GALNT18: variants seen among roughly 807,000 people sequenced by gnomAD.
The protein encoded by GALNT18 is polypeptide N-acetylgalactosaminyltransferase 18, also known as GalNAc-transferase 18.
GALNT18 carries 44 observed loss-of-function variants against 69.5 expected under a neutral mutation model. The ratio of observed to expected loss-of-function variants is 0.63; its 90% CI spans 0.50 to 0.81. GALNT18 has a LOEUF of 0.81. Among genes scored for constraint, GALNT18 ranks in the 40% least tolerant of loss-of-function variants. The probability of loss-of-function intolerance (pLI) is 0.00; values close to 1 mark genes in which losing one functional copy is unlikely to be tolerated. For missense variants in GALNT18, 715 were observed against 810.0 expected, an observed-to-expected ratio of 0.88 and a Z score of 1.42; for synonymous variants, 364 against 318.2, an observed-to-expected ratio of 1.14 and a Z score of -1.53.
rs747086505 is a variant in GALNT18, at chr11:11,421,934, C to T, written c.595+10687G>A. Among the ~76,000 whole-genome samples, 1 of 152,184 alleles carries T rather than the reference C, an allele frequency of 6.6e-6. No individual in the cohort carries two copies. Among genetic ancestry groups the T allele is most frequent in the East Asian group, 1.9e-4 (1 of 5,188 alleles). On this transcript the variant is annotated intron_variant, in intron 3 of 10. Transcript: ENST00000227756. This position sits in a 1 kb window ranked among gnomAD's most constrained non-coding sequence, Gnocchi z 5.6. ...TATTTTAGCCCCTACGTGCCCCTGGCCTGGGTGCCCTGGCATAGAATCATG... is the reference window on the plus strand; with the variant it reads ...TATTTTAGCCCCTACGTGCCCCTGGTCTGGGTGCCCTGGCATAGAATCATG...
rs1318965285 is a variant in GALNT18 at position 11,369,849 on chromosome 11, T to C, written c.1092+2666A>G. Among the ~76,000 whole-genome samples, 3 of 152,244 alleles carry C rather than the reference T, an allele frequency of 2.0e-5. No homozygotes were observed. In the East Asian group the frequency reaches 5.8e-4, roughly 29 times the overall value. ...CATGAAATAAGAAGAAGGCTTTAAA[T>C]AGGGACTCAGTAGACATAATTGTGA... On this transcript the variant is annotated intron_variant, in intron 6 of 10. Coordinates refer to ENST00000227756, the MANE Select transcript of GALNT18 (RefSeq NM_198516.3).
At chr11:11,330,270 G>A (rs1442419994) in intron 8 of GALNT18, among the ~76,000 whole-genome samples, 1 of 152,034 alleles carries the variant, frequency 6.6e-6, no homozygotes, top group Non-Finnish European at 1.5e-5. Context: ...AGTTGGAACA[G>A]AAAAAGGAAA....
chr11:11,480,564 CT>C lies in GALNT18; in HGVS notation c.236-31629del, dbSNP rs1856504303. 6.6e-6 allele frequency among the ~76,000 whole-genome samples: 1 copy of C among 152,064 alleles called. No individual in the cohort carries two copies. Among genetic ancestry groups the C allele is most frequent in the Admixed American group, 6.5e-5 (1 of 15,272 alleles). ...TCTAGTGTCTGGTTAGAAAGAGGCTCTGAGCAGTCTCTGGTCACCACCTGGT... is the reference window on the plus strand; with the variant it reads ...TCTAGTGTCTGGTTAGAAAGAGGCTCGAGCAGTCTCTGGTCACCACCTGGT... On this transcript the variant is annotated intron_variant, in intron 1 of 10. Transcript: ENST00000227756. The surrounding 1 kb of genome is among the most constrained non-coding windows in gnomAD (Gnocchi z 4.6).
rs932624124 is a variant in GALNT18 at position 11,439,226 on chromosome 11, G to A, written c.429-6439C>T. Among the ~76,000 whole-genome samples the A allele has an allele frequency of 6.6e-6, 1 of 152,218 alleles. No individual in the cohort carries two copies. Among genetic ancestry groups the A allele is most frequent in the Non-Finnish European group, 1.5e-5 (1 of 68,028 alleles). On this transcript the variant is annotated intron_variant, in intron 2 of 10. Coordinates refer to ENST00000227756, the MANE Select transcript of GALNT18 (RefSeq NM_198516.3). The surrounding 1 kb of genome is among the most constrained non-coding windows in gnomAD (Gnocchi z 4.4). ...CGTTGTCAGTGAGTGAACTGTAGAC[G>A]TGGACATGAAGTCACTGTTAGAAAC...
At chr11:11,278,958 T>A (rs1489295344) in intron 10 of GALNT18, among the ~76,000 whole-genome samples, 10 of 152,244 alleles carry the variant, frequency 6.6e-5, no homozygotes. Context: ...GCATTACATG[T>A]ACCCCATAAA....
intron 1 of GALNT18, among the ~76,000 whole-genome samples, chr11:11,578,707 G>A (rs922740109): frequency 2.0e-5 from 3 of 152,250 alleles, no homozygotes; most frequent in Non-Finnish European, 4.4e-5. Context: ...CGGGCCTCCT[G>A]TGCGCAGGAC....
rs2133892949 is a variant in GALNT18, at chr11:11,496,896, A to G, written c.236-47960T>C. ...GTAACCAGAGTGAACTTCTAGAAAC[A>G]CAAATCAGATCACATCACACCTCAC... On this transcript the variant is annotated intron_variant, in intron 1 of 10. Transcript: ENST00000227756. This position sits in a 1 kb window ranked among gnomAD's most constrained non-coding sequence, Gnocchi z 4.0. Among the ~76,000 whole-genome samples, 1 of 152,256 alleles carries G rather than the reference A, an allele frequency of 6.6e-6. No individual in the cohort carries two copies. The highest frequency in any genetic ancestry group is 1.5e-5 in the Non-Finnish European group (1 of 68,026).
At chr11:11,427,356 G>C (rs1298835455) in intron 3 of GALNT18, among the ~76,000 whole-genome samples, 2 of 152,200 alleles carry the variant, frequency 1.3e-5, no homozygotes, top group East Asian at 3.8e-4. Flanking sequence ...CAGTTCCTGT[G>C]TTTGAGGAAG....
chr11:11,287,772 C>T (rs781259223), intron 10 of GALNT18, among the ~76,000 whole-genome samples: 7 of 152,256 alleles, frequency 4.6e-5, no homozygotes, highest in African/African-American at 1.4e-4. Flanking sequence ...TGTGCTGATG[C>T]GGGAGACATC....
At chr11:11,438,991 T>C (rs371115867) in intron 2 of GALNT18, among the ~76,000 whole-genome samples, 8 of 152,150 alleles carry the variant, frequency 5.3e-5, no homozygotes, top group East Asian at 1.9e-4. Context: ...CAGTGACTGA[T>C]TTCCTGAGCC....
At chr11:11,474,764 C>A (rs1416059910) in intron 1 of GALNT18, among the ~76,000 whole-genome samples, 3 of 152,202 alleles carry the variant, frequency 2.0e-5, no homozygotes, top group African/African-American at 4.8e-5. Flanking sequence ...AATGCAGAGG[C>A]TCCTAACCAT....
rs889352482 is a variant in GALNT18, at chr11:11,320,393, C to A, written c.1512+6693G>T. Among the ~76,000 whole-genome samples the A allele has an allele frequency of 6.6e-6, 1 of 152,210 alleles. No homozygotes were observed. Among genetic ancestry groups the A allele is most frequent in the Non-Finnish European group, 1.5e-5 (1 of 68,034 alleles). Reference sequence around the variant, plus strand: ...TCCATCCGTGCATACACGACCTTCCCAAAGCTCTCCTTGTCCTATGTGGCC... The same window carrying A: ...TCCATCCGTGCATACACGACCTTCCAAAAGCTCTCCTTGTCCTATGTGGCC... On this transcript the variant is annotated intron_variant, in intron 9 of 10. Transcript: ENST00000227756. The surrounding 1 kb of genome is among the most constrained non-coding windows in gnomAD (Gnocchi z 4.9).
intron 3 of GALNT18, among the ~76,000 whole-genome samples, chr11:11,410,755 T>C (rs1487229659): frequency 6.6e-6 from 1 of 152,228 alleles, no homozygotes; most frequent in African/African-American, 2.4e-5. Flanking sequence ...TCAGAACTGG[T>C]GGCTCCTGTC....
rs1320422192 is a variant in GALNT18 at position 11,604,841 on chromosome 11, C to G, written c.235+16518G>C. Among the ~76,000 whole-genome samples the G allele has an allele frequency of 6.6e-6, 1 of 152,110 alleles. No individual in the cohort carries two copies. The highest frequency in any genetic ancestry group is 2.4e-5 in the African/African-American group (1 of 41,420). ...CCATAGCTTCATTCCACTGGTCCCC[C>G]ACACCCCAAAGGCTACACAATCTGT... is the stretch of plus-strand genomic sequence containing the variant. On this transcript the variant is annotated intron_variant, in intron 1 of 10. Coordinates refer to ENST00000227756, the MANE Select transcript of GALNT18 (RefSeq NM_198516.3). The surrounding 1 kb of genome is among the most constrained non-coding windows in gnomAD (Gnocchi z 5.6).
chr11:11,412,260 C>T (rs886982747), intron 3 of GALNT18, among the ~76,000 whole-genome samples: 12 of 152,154 alleles, frequency 7.9e-5, no homozygotes, highest in African/African-American at 2.7e-4. Context: ...TCTGGTCTGA[C>T]CTGAAACCCT....
At chr11:11,342,001 G>A (rs138841883) in intron 6 of GALNT18, among the ~76,000 whole-genome samples, 1,761 of 151,484 alleles carry the variant, frequency 0.012, 32 homozygotes, top group African/African-American at 0.041. Context: ...TTGACTATAT[G>A]GCCCCAACAT....
At position 11,454,055 on chromosome 11, in the gene GALNT18, G is replaced by A. The variant is rs937655044; in HGVS notation, c.236-5119C>T. ...CTTAACCAATACCAGTAAAATGAAC[G>A]AATAGGGCATTAGCAGTGGGTCGTC... On this transcript the variant is annotated intron_variant, in intron 1 of 10. Transcript: ENST00000227756. This position sits in a 1 kb window ranked among gnomAD's most constrained non-coding sequence, Gnocchi z 4.2. Among the ~76,000 whole-genome samples, 4 of 152,130 alleles carry A rather than the reference G, an allele frequency of 2.6e-5. No individual in the cohort carries two copies. The highest frequency in any genetic ancestry group is 4.8e-5 in the African/African-American group (2 of 41,426).
intron 6 of GALNT18, among the ~76,000 whole-genome samples, chr11:11,342,137 G>A (rs566462839): frequency 2.6e-5 from 4 of 151,940 alleles, no homozygotes; most frequent in Non-Finnish European, 5.9e-5. Context: ...ATTCCTGGAG[G>A]GCAAAACCTA....
At chr11:11,385,298 A>AT (rs113464471) in intron 3 of GALNT18, among the ~76,000 whole-genome samples, 60,083 of 146,066 alleles carry the variant, frequency 0.41, 13,228 homozygotes, top group Non-Finnish European at 0.51. Flanking sequence ...TGGGGATCAA[A>AT]TTTTTTTTTT....
Sources: allele counts gnomAD v4.1 joint callset (sites outside exome capture counted in the v4.1 genomes callset), GRCh38; gene constraint gnomAD v4.1.1; non-coding constraint Gnocchi (gnomAD v3.1); transcripts MANE v1.5; gene names NCBI Gene and HGNC (gene_info 2026-07-23, HGNC 2026-07-21).